LIMCH1: variants seen among roughly 807,000 people sequenced by gnomAD.
The protein encoded by LIMCH1 is LIM and calponin homology domains 1.
A neutral mutation model predicts 176.5 loss-of-function variants in LIMCH1; 113 were observed. That is an observed-to-expected ratio of 0.64 (90% confidence interval 0.55 to 0.75). The LOEUF (loss-of-function observed/expected upper bound fraction) is 0.75. Among genes scored for constraint, LIMCH1 ranks in the 30% least tolerant of loss-of-function variants. LIMCH1 has a pLI of 0.00. For missense variants in LIMCH1, 1,674 were observed against 1,814.9 expected, an observed-to-expected ratio of 0.92 and a Z score of 1.41; for synonymous variants, 619 against 645.9, an observed-to-expected ratio of 0.96 and a Z score of 0.63.
chr4:41,433,676 CT>C (rs35230578), intron 1 of LIMCH1, among the ~76,000 whole-genome samples: 5,471 of 130,000 alleles, frequency 0.042, 245 homozygotes, highest in African/African-American at 0.13. Context: ...TGTTAGTCTT[CT>C]TTTTTTTTTT....
chr4:41,578,297 G>A (rs1383121573), intron 1 of LIMCH1, among the ~76,000 whole-genome samples: 1 of 152,142 alleles, frequency 6.6e-6, no homozygotes, highest in African/African-American at 2.4e-5. Flanking sequence ...ACCAGATCTC[G>A]TGAGAACTCT....
chr4:41,615,815 T>TA, intron 5 of LIMCH1, among the ~76,000 whole-genome samples: 1 of 152,232 alleles, frequency 6.6e-6, no homozygotes, highest in Non-Finnish European at 1.5e-5. Flanking sequence ...TATTCAACTC[T>TA]ATGTTGGGCC....
chr4:41,552,277 T>G (rs1178447446), intron 1 of LIMCH1, among the ~76,000 whole-genome samples: 1 of 152,166 alleles, frequency 6.6e-6, no homozygotes, highest in East Asian at 1.9e-4. Flanking sequence ...TATCACTATG[T>G]GTTCATGAGC....
Position 41,638,963 on chromosome 4 carries a change from G to C in LIMCH1, c.2122G>C (p.Ala708Pro). The change falls in exon 14 of 32, where the codon GCA becomes CCA. Residue 708 changes from alanine (A) to proline (P), a missense_variant. By Grantham distance (27) the Ala-to-Pro change is conservative. This residue lies in a region of LIMCH1 where 1,015 missense variants were observed against 1,102.5 expected (regional missense o/e 0.92). Coordinates refer to ENST00000503057, the MANE Select transcript of LIMCH1 (RefSeq NM_001330672.2). Reference sequence around the variant, plus strand: ...TCCGAGAACTCCTGTGTCTGATGACGCAGAGTAAGTTGCCTTGTATTTGTA... The same window carrying C: ...TCCGAGAACTCCTGTGTCTGATGACCCAGAGTAAGTTGCCTTGTATTTGTA... Reference protein sequence around the residue: ...YGPRTPVSDDAESTSMFDMRC... With the variant: ...YGPRTPVSDDPESTSMFDMRC... The C allele has an allele frequency of 6.3e-7, 1 of 1,585,966 alleles. No homozygotes were observed. The highest frequency in any genetic ancestry group is 1.7e-4 in the Middle Eastern group (1 of 5,922).
chr4:41,657,069 C>T (rs1009992578), intron 18 of LIMCH1, among the ~76,000 whole-genome samples: 1 of 152,102 alleles, frequency 6.6e-6, no homozygotes, highest in African/African-American at 2.4e-5. Flanking sequence ...CCACCTGAGG[C>T]CCCAGGGCTG....
At position 41,445,767 on chromosome 4, in the gene LIMCH1, A is replaced by T. The variant is rs138903434; in HGVS notation, c.97-48769A>T. 4.6e-5 allele frequency among the ~76,000 whole-genome samples: 7 copies of T among 152,220 alleles called. No homozygotes were observed. In the East Asian group the frequency reaches 1.4e-3, roughly 29 times the overall value. On this transcript the variant is annotated intron_variant, in intron 1 of 26. Transcript: ENST00000313860. ...ATTAGAGTTTCTTTGCATTCTGGAG[A>T]TGAGGGTAGCTACTGACCTTTCTAT...
chr4:41,396,807 G>A (rs1270849559), intron 1 of LIMCH1, among the ~76,000 whole-genome samples: 1 of 151,994 alleles, frequency 6.6e-6, no homozygotes, highest in African/African-American at 2.4e-5. Context: ...GGAGGGTAAG[G>A]CAGGAATCGC....
intron 1 of LIMCH1, among the ~76,000 whole-genome samples, chr4:41,591,647 C>A (rs60391915): frequency 0.086 from 13,092 of 152,114 alleles, 1,827 homozygotes; most frequent in African/African-American, 0.3. Context: ...TCCACCTAGT[C>A]TTTTCATTTG....
chr4:41,566,317 C>T (rs904699545), intron 1 of LIMCH1, among the ~76,000 whole-genome samples: 1 of 152,122 alleles, frequency 6.6e-6, no homozygotes, highest in Non-Finnish European at 1.5e-5. Flanking sequence ...TTGCTTTGCC[C>T]AGATCCATCA....
At chr4:41,628,025 A>G (rs2093078129) in intron 8 of LIMCH1, among the ~76,000 whole-genome samples, 1 of 152,194 alleles carries the variant, frequency 6.6e-6, no homozygotes, top group South Asian at 2.1e-4. Flanking sequence ...GGATTCCTGG[A>G]TATAGAACAG....
chr4:41,553,226 C>T (rs1034943842), intron 1 of LIMCH1, among the ~76,000 whole-genome samples: 6 of 152,170 alleles, frequency 3.9e-5, no homozygotes, highest in African/African-American at 1.2e-4. Context: ...GGGTTACAAC[C>T]ATGAATGGCA....
At chr4:41,550,484 A>C (rs984123401) in intron 1 of LIMCH1, among the ~76,000 whole-genome samples, 1 of 152,098 alleles carries the variant, frequency 6.6e-6, no homozygotes, top group African/African-American at 2.4e-5. Context: ...ATCATACACC[A>C]CTTGGCCTGA....
intron 7 of LIMCH1, among the ~76,000 whole-genome samples, chr4:41,620,990 A>G (rs571596265): frequency 1.3e-5 from 2 of 152,338 alleles, no homozygotes; most frequent in African/African-American, 4.8e-5. Flanking sequence ...ACCTAGCAAT[A>G]ACATTGTATT....
intron 1 of LIMCH1, among the ~76,000 whole-genome samples, chr4:41,484,127 T>G (rs757795904): frequency 1.3e-5 from 2 of 152,248 alleles, no homozygotes; most frequent in Non-Finnish European, 2.9e-5. Flanking sequence ...TGTGAGCTCT[T>G]ATCATTCAGC....
chr4:41,473,264 A>G, intron 1 of LIMCH1: 1 of 839,092 alleles, frequency 1.2e-6, no homozygotes, highest in Non-Finnish European at 1.4e-6. Context: ...CAGGTTTGTC[A>G]TTTTGTGCAA....
At chr4:41,498,097 C>T (rs1041445111) in intron 2 of LIMCH1, among the ~76,000 whole-genome samples, 1 of 151,968 alleles carries the variant, frequency 6.6e-6, no homozygotes, top group African/African-American at 2.4e-5. Context: ...AAGAAGGCAG[C>T]GTCAATAAAA....
At chr4:41,404,500 G>A (rs1018389293) in intron 1 of LIMCH1, among the ~76,000 whole-genome samples, 1 of 152,092 alleles carries the variant, frequency 6.6e-6, no homozygotes, top group Non-Finnish European at 1.5e-5. Flanking sequence ...TTAATAGGCT[G>A]GGTGCGGTGG....
chr4:41,412,879 A>T (rs542003166), intron 1 of LIMCH1, among the ~76,000 whole-genome samples: 14 of 152,188 alleles, frequency 9.2e-5, no homozygotes, highest in Non-Finnish European at 1.9e-4. Context: ...GATATCACTG[A>T]CTTTGCACTA....
chr4:41,592,556 A>G (rs1010447285), intron 1 of LIMCH1, among the ~76,000 whole-genome samples: 1 of 152,128 alleles, frequency 6.6e-6, no homozygotes, highest in Non-Finnish European at 1.5e-5. Flanking sequence ...GTTCTTCATC[A>G]TCGCATCTTC....
Sources: allele counts gnomAD v4.1 joint callset (sites outside exome capture counted in the v4.1 genomes callset), GRCh38; gene constraint gnomAD v4.1.1; regional missense constraint gnomAD v4.1.1; transcripts MANE v1.5; gene names NCBI Gene and HGNC (gene_info 2026-07-23, HGNC 2026-07-21).